The following DST variants were observed in gnomAD, a reference collection of about 807,000 sequenced individuals.
DST encodes dystonin.
DST carries 253 observed loss-of-function variants against 875.2 expected under a neutral mutation model. The observed-to-expected ratio is 0.29, with a 90% CI of 0.26 to 0.32. The LOEUF (loss-of-function observed/expected upper bound fraction) is 0.32, where lower values mean the gene tolerates loss of function less well. Ranked by LOEUF, DST falls within the 10% of genes least tolerant of loss-of-function variation. The pLI, the probability that DST is intolerant of heterozygous loss-of-function variation, is 1.00. For synonymous variants in DST, 3,124 were observed against 3,197.1 expected, an observed-to-expected ratio of 0.98 and a Z score of 0.77; for missense variants, 8,287 against 9,111.6, an observed-to-expected ratio of 0.91 and a Z score of 3.68.
rs2152365721 is a variant in DST at position 56,458,878 on chromosome 6, T to A, written c.*127A>T. 1 of 1,016,388 alleles carries A rather than the reference T, an allele frequency of 9.8e-7. No homozygotes were observed. The highest frequency in any genetic ancestry group is 2.5e-5 in the East Asian group (1 of 39,252). The allele number at this position is 1,016,388 out of a possible 1,614,324, so 63.0% of individuals were successfully genotyped here. On this transcript the variant is annotated 3_prime_UTR_variant, in exon 104 of 104. Transcript: ENST00000680361. The stretch of plus-strand genomic sequence containing the variant: ...TAAAATAAAAAGACAAATACACAAA[T>A]AAGGCCATCTGCAGAATTTTAAACT...
chr6:56,576,700 G>A (rs556760124), intron 50 of DST, among the ~76,000 whole-genome samples: 1 of 152,176 alleles, frequency 6.6e-6, no homozygotes, highest in African/African-American at 2.4e-5. Flanking sequence ...AGGTCATGAG[G>A]GTAGAGCCCG....
intron 13 of DST, among the ~76,000 whole-genome samples, chr6:56,648,197 C>T (rs2098955037): frequency 1.3e-5 from 2 of 152,194 alleles, no homozygotes; most frequent in South Asian, 4.1e-4. Context: ...CAACCACAGG[C>T]ACACCCCCAA....
intron 92 of DST, among the ~76,000 whole-genome samples, chr6:56,475,413 ACACACACACAC>A (rs2095135878): frequency 6.6e-6 from 1 of 151,808 alleles, no homozygotes; most frequent in Non-Finnish European, 1.5e-5. Flanking sequence ...ACACACACAC[ACACACACACAC>A]ACACACACAC....
At chr6:56,926,748 T>C (rs1807315089) in intron 2 of DST, among the ~76,000 whole-genome samples, 1 of 138,054 alleles carries the variant, frequency 7.2e-6, no homozygotes, top group Admixed American at 6.9e-5. Context: ...GGTTCCTGAG[T>C]GTAGAGCTTA....
intron 2 of DST, among the ~76,000 whole-genome samples, chr6:56,917,938 T>C (rs952404607): frequency 9.2e-5 from 14 of 152,180 alleles, no homozygotes; most frequent in Non-Finnish European, 1.8e-4. Flanking sequence ...TTGAACCCTA[T>C]AAATAAGTGT....
intron 2 of DST, among the ~76,000 whole-genome samples, chr6:56,910,047 T>C (rs1798187664): frequency 6.6e-6 from 1 of 152,242 alleles, no homozygotes; most frequent in South Asian, 2.1e-4. Context: ...GGGCAAAATA[T>C]TACCTTTTTA....
intron 5 of DST, among the ~76,000 whole-genome samples, chr6:56,709,265 T>C (rs1458599561): frequency 6.6e-6 from 1 of 152,190 alleles, no homozygotes; most frequent in African/African-American, 2.4e-5. Flanking sequence ...AAACACTCTA[T>C]GGGCAACAAA....
In DST at chr6:56,463,564, C is replaced by T. The variant is rs2094441686; in HGVS notation, c.22959+1G>A. ...GGAAAAGTCTTCATCCTGAGTCTTA[C>T]CTTGGGTGTGGTGGTGGCAGGGACC... On this transcript the variant is annotated splice_donor_variant, in intron 101 of 103. Transcript: ENST00000680361. LOFTEE classifies it high-confidence loss of function. 4 of 1,577,536 alleles carry T rather than the reference C, an allele frequency of 2.5e-6. No individual in the cohort carries two copies. Among genetic ancestry groups the T allele is most frequent in the Non-Finnish European group, 3.4e-6 (4 of 1,161,546 alleles).
At position 56,615,341 on chromosome 6, in the gene DST, G is replaced by A. The variant is rs1259676715; in HGVS notation, c.4930-857C>T. On this transcript the variant is annotated intron_variant, in intron 36 of 103. Transcript: ENST00000680361. ...CCATTTGAAGGGCATTAAATCTTAT[G>A]TAATTTTCAATTTAAAACTTACTCT... 2.1e-6 allele frequency: 3 copies of A among 1,447,828 alleles called. No homozygotes were observed. In the East Asian group the frequency reaches 7.7e-5, roughly 37 times the overall value. The allele number at this position is 1,447,828 out of a possible 1,614,324, so 89.7% of individuals were successfully genotyped here.
chr6:56,812,267 G>GTTGT (rs1286924208), intron 4 of DST, among the ~76,000 whole-genome samples: 1 of 151,992 alleles, frequency 6.6e-6, no homozygotes, highest in Non-Finnish European at 1.5e-5. Context: ...GGCTTTTCTT[G>GTTGT]TTGTTTGTTT....
rs1249548937 is a variant in DST, at chr6:56,810,999, T to A, written c.625+40398A>T. ...GAGTTCAAGACCAGCCTGGGCAACA[T>A]AGTGAGACCCCCCATCTCTACAAAA... On this transcript the variant is annotated intron_variant, in intron 4 of 103. Transcript: ENST00000680361. Among the ~76,000 whole-genome samples the A allele has an allele frequency of 2.0e-5, 3 of 151,412 alleles. No individual in the cohort carries two copies. In the South Asian group the frequency reaches 6.3e-4, roughly 32 times the overall value.
intron 2 of DST, among the ~76,000 whole-genome samples, chr6:56,937,685 A>C (rs1183720216): frequency 3.9e-5 from 6 of 152,244 alleles, no homozygotes; most frequent in Non-Finnish European, 7.3e-5. Flanking sequence ...ATATGTCCAC[A>C]CAATGGTTTT....
intron 3 of DST, among the ~76,000 whole-genome samples, chr6:56,885,010 G>A (rs144978518): frequency 5.5e-5 from 8 of 144,700 alleles, no homozygotes; most frequent in Middle Eastern, 6.9e-3. Flanking sequence ...GATTACAGGC[G>A]TGAGCTGTGA....
At chr6:56,475,598 C>T (rs9396213) in intron 92 of DST, among the ~76,000 whole-genome samples, 52,668 of 152,118 alleles carry the variant, frequency 0.35, 9,825 homozygotes, top group African/African-American at 0.47. Flanking sequence ...GGCTGCTTTT[C>T]CTAAGAAAGA....
At chr6:56,901,219 T>C (rs1244908802) in intron 2 of DST, among the ~76,000 whole-genome samples, 1 of 152,236 alleles carries the variant, frequency 6.6e-6, no homozygotes, top group Non-Finnish European at 1.5e-5. Flanking sequence ...ATGTATTAAA[T>C]ATTTCTGAGT....
Position 56,477,340 on chromosome 6 carries a change from C to G in DST, c.21675+5G>C. On this transcript the variant is annotated splice_donor_5th_base_variant and intron_variant, in intron 91 of 103. Transcript: ENST00000680361. Reference sequence around the variant, plus strand: ...TACTCTGAAGATTATCTGAGACACACTGACCTCCTCAAACCTCGCCCGGAT... The same window carrying G: ...TACTCTGAAGATTATCTGAGACACAGTGACCTCCTCAAACCTCGCCCGGAT... The G allele has an allele frequency of 6.2e-7, 1 of 1,613,482 alleles. No individual in the cohort carries two copies. Among genetic ancestry groups the G allele is most frequent in the Non-Finnish European group, 8.5e-7 (1 of 1,179,620 alleles).
intron 4 of DST, among the ~76,000 whole-genome samples, chr6:56,751,468 A>AATTATTTTTTT (rs2099586861): frequency 6.6e-6 from 1 of 151,978 alleles, no homozygotes. Flanking sequence ...ATTTTTTTAC[A>AATTATTTTTTT]GCAGGCATTC....
At chr6:56,598,141 C>A (rs2098409423) in intron 46 of DST, 135 bp from the exon 47 acceptor site, 3 of 884,116 alleles carry the variant, frequency 3.4e-6, no homozygotes, top group Non-Finnish European at 4.7e-6. Context: ...GAAAACTTAA[C>A]AACTGAAATT....
chr6:56,861,370 T>C (rs769262549), intron 3 of DST, among the ~76,000 whole-genome samples: 10 of 152,242 alleles, frequency 6.6e-5, no homozygotes, highest in Non-Finnish European at 8.8e-5. Flanking sequence ...GATCAGTGCC[T>C]GATCCCTCTG....
Sources: allele counts gnomAD v4.1 joint callset (sites outside exome capture counted in the v4.1 genomes callset), GRCh38; gene constraint gnomAD v4.1.1; transcripts MANE v1.5; gene names NCBI Gene and HGNC (gene_info 2026-07-23, HGNC 2026-07-21).